GALNT14: variants seen among roughly 807,000 people sequenced by gnomAD.
GALNT14 encodes UDP-GalNAc:polypeptide N-acetylgalactosaminyltransferase 14.
Under a neutral mutation model 77.5 loss-of-function variants are expected in GALNT14, and 60 were observed. That is an observed-to-expected ratio of 0.77 (90% CI 0.63 to 0.96). The LOEUF (loss-of-function observed/expected upper bound fraction) is 0.96, where lower values mean the gene tolerates loss of function less well. Ranked by LOEUF, GALNT14 falls within the 40% of genes least tolerant of loss-of-function variation. The probability of loss-of-function intolerance (pLI) is 0.00; values close to 1 mark genes in which losing one functional copy is unlikely to be tolerated. For missense variants in GALNT14, 710 were observed against 731.0 expected (o/e 0.97, Z 0.33); for synonymous variants, 280 against 281.7 (o/e 0.99, Z 0.06).
At chr2:31,135,873 G>A (rs540910468) in intron 1 of GALNT14, among the ~76,000 whole-genome samples, 1 of 152,312 alleles carries the variant, frequency 6.6e-6, no homozygotes, top group East Asian at 1.9e-4. Context: ...GCCTGTGATA[G>A]ATGTGTGCTG....
intron 1 of GALNT14, among the ~76,000 whole-genome samples, chr2:31,041,111 A>G (rs1673067389): frequency 6.6e-6 from 1 of 152,180 alleles, no homozygotes; most frequent in Non-Finnish European, 1.5e-5. Flanking sequence ...ACGTGTCAAT[A>G]ATAAAACATC....
At chr2:30,980,176 C>T (rs1484836029) in intron 2 of GALNT14, among the ~76,000 whole-genome samples, 1 of 152,244 alleles carries the variant, frequency 6.6e-6, no homozygotes, top group Non-Finnish European at 1.5e-5. Context: ...ACATGAGCCG[C>T]AGCACCCTGA....
intron 1 of GALNT14, chr2:31,129,360 G>A (rs1056221383): frequency 1.0e-6 from 1 of 984,934 alleles, no homozygotes; most frequent in Non-Finnish European, 1.2e-6. Flanking sequence ...CCAAGTGGTG[G>A]GGAAAAAAGC....
At chr2:31,057,997 G>A (rs1180777223) in intron 1 of GALNT14, among the ~76,000 whole-genome samples, 4 of 152,058 alleles carry the variant, frequency 2.6e-5, no homozygotes, top group African/African-American at 9.7e-5. Flanking sequence ...CCTCTGCCAG[G>A]GCTCCAGGGT....
chr2:31,112,734 G>A (rs1212718461), intron 1 of GALNT14, among the ~76,000 whole-genome samples: 1 of 152,176 alleles, frequency 6.6e-6, no homozygotes, highest in Non-Finnish European at 1.5e-5. Flanking sequence ...ACAGTCCCCT[G>A]CAGCCTGCCC....
chr2:30,893,037 T>C, the GALNT14 span, among the ~76,000 whole-genome samples: 1,147 of 152,324 alleles, frequency 7.5e-3, 17 homozygotes, highest in South Asian at 0.031. Context: ...CTCTGATGCA[T>C]GCATTCTTAG....
chr2:31,025,931 G>A (rs938515408), intron 1 of GALNT14, among the ~76,000 whole-genome samples: 1 of 152,076 alleles, frequency 6.6e-6, no homozygotes, highest in Non-Finnish European at 1.5e-5. Context: ...TATTCTTAAG[G>A]CCTTCGGCAG....
At chr2:30,897,558 A>C in the GALNT14 span, among the ~76,000 whole-genome samples, 1 of 152,176 alleles carries the variant, frequency 6.6e-6, no homozygotes, top group African/African-American at 2.4e-5. Context: ...TGTTGGTGAG[A>C]GGCACGGCCT....
chr2:31,078,257 G>A lies in GALNT14; in HGVS notation c.129+59701C>T, dbSNP rs555983466. ...CAGGGAAAATTCAGGCTCATTAGGAGGAGAAAACTTGAATGGTAATGATCC... is the reference window on the plus strand; with the variant it reads ...CAGGGAAAATTCAGGCTCATTAGGAAGAGAAAACTTGAATGGTAATGATCC... On this transcript the variant is annotated intron_variant, in intron 1 of 14. Coordinates refer to ENST00000349752, the MANE Select transcript of GALNT14 (RefSeq NM_024572.4). Among the ~76,000 whole-genome samples the A allele has an allele frequency of 4.6e-5, 7 of 152,268 alleles. No homozygotes were observed. In the East Asian group the frequency reaches 1.2e-3, roughly 25 times the overall value.
chr2:31,101,460 T>C (rs1677269634), intron 1 of GALNT14, among the ~76,000 whole-genome samples: 1 of 141,926 alleles, frequency 7.0e-6, no homozygotes, highest in African/African-American at 2.9e-5. Context: ...GCATTTTTCT[T>C]TGAAGAATGT....
At chr2:30,999,473 C>T (rs1002007495) in intron 1 of GALNT14, among the ~76,000 whole-genome samples, 1 of 152,174 alleles carries the variant, frequency 6.6e-6, no homozygotes, top group African/African-American at 2.4e-5. Flanking sequence ...CTGAGATTTG[C>T]ACCTCCGAAA....
chr2:31,039,791 C>T (rs201397867), intron 1 of GALNT14, among the ~76,000 whole-genome samples: 2 of 152,100 alleles, frequency 1.3e-5, no homozygotes, highest in African/African-American at 4.8e-5. Context: ...TTAGGAGACA[C>T]AAGCCATAAG....
At chr2:31,014,577 C>A (rs1671230181) in intron 1 of GALNT14, among the ~76,000 whole-genome samples, 1 of 152,198 alleles carries the variant, frequency 6.6e-6, no homozygotes, top group Non-Finnish European at 1.5e-5. Context: ...AAGGCCTGAA[C>A]AGGTCCCCAT....
chr2:31,114,383 A>G (rs1466792219), intron 1 of GALNT14, among the ~76,000 whole-genome samples: 3 of 152,220 alleles, frequency 2.0e-5, no homozygotes, highest in Non-Finnish European at 2.9e-5. Flanking sequence ...AAAGGAGACA[A>G]AGGGCAACTC....
chr2:31,040,790 T>G (rs1349380521), intron 1 of GALNT14, among the ~76,000 whole-genome samples: 1 of 152,176 alleles, frequency 6.6e-6, no homozygotes, highest in Non-Finnish European at 1.5e-5. Context: ...ACTGACTAAT[T>G]TGATTTAGAG....
intron 1 of GALNT14, among the ~76,000 whole-genome samples, chr2:31,113,860 T>C (rs1335931476): frequency 6.6e-6 from 1 of 152,090 alleles, no homozygotes; most frequent in Non-Finnish European, 1.5e-5. Context: ...TTCACCCTCA[T>C]ACAATGGGCC....
chr2:31,127,839 C>A (rs1042562117), intron 1 of GALNT14, among the ~76,000 whole-genome samples: 5 of 152,140 alleles, frequency 3.3e-5, no homozygotes, highest in African/African-American at 1.2e-4. Context: ...GATTAGAAAA[C>A]CATCAGGGCT....
intron 3 of GALNT14, among the ~76,000 whole-genome samples, chr2:30,963,822 CAT>C (rs1667834598): frequency 6.6e-6 from 1 of 152,194 alleles, no homozygotes; most frequent in African/African-American, 2.4e-5. Flanking sequence ...TTTGATCAAG[CAT>C]TTATTCCATG....
the GALNT14 span, among the ~76,000 whole-genome samples, chr2:30,894,783 T>C: frequency 2.0e-5 from 3 of 152,198 alleles, no homozygotes; most frequent in Non-Finnish European, 4.4e-5. Context: ...GTCATCCCTC[T>C]GGACTCTTAG....
Sources: gnomAD v4.1 joint callset for allele counts (sites outside exome capture counted in the v4.1 genomes callset) on GRCh38, gnomAD v4.1.1 for gene constraint, MANE v1.5 for transcripts, NCBI Gene and HGNC (gene_info 2026-07-23, HGNC 2026-07-21) for gene names.